Variants in CALML4 observed in about 807,000 individuals in gnomAD.
The protein encoded by CALML4 is calmodulin-like protein 4.
Under a neutral mutation model 17.9 loss-of-function variants are expected in CALML4, and 16 were observed. The ratio of observed to expected loss-of-function variants is 0.89; its 90% CI spans 0.61 to 1.36. The LOEUF is 1.36. Ranked by LOEUF, CALML4 falls within the 40% of genes most tolerant of loss-of-function variation. CALML4 has a pLI of 0.00. For synonymous variants in CALML4, 86 were observed against 71.5 expected (o/e 1.20, Z -1.02); for missense variants, 203 against 194.8 (o/e 1.04, Z -0.25).
rs1002154108 is a variant in CALML4, at chr15:68,200,828, C to T, written c.35-1147G>A. Among the ~76,000 whole-genome samples, 1 of 152,176 alleles carries T rather than the reference C, an allele frequency of 6.6e-6. No homozygotes were observed. Among genetic ancestry groups the T allele is most frequent in the East Asian group, 1.9e-4 (1 of 5,194 alleles). ...ACAATTCACGTTGCTGAGCACTCCA[C>T]CCCCAGGCCCTCGCTTCATCCCCAC... On this transcript the variant is annotated intron_variant, in intron 2 of 4. Transcript: ENST00000467889. This position sits in a 1 kb window ranked among gnomAD's most constrained non-coding sequence, Gnocchi z 4.3.
chr15:68,205,352 C>G (rs764145542), upstream of CALML4: 12 of 1,613,896 alleles, frequency 7.4e-6, no homozygotes, highest in South Asian at 8.8e-5. This position sits in a 1 kb window ranked among gnomAD's most constrained non-coding sequence, Gnocchi z 4.8. Flanking sequence ...GGTGGAGGCC[C>G]GGGTAATAAA....
At chr15:68,203,910 C>T (rs559950095) in intron 2 of CALML4, among the ~76,000 whole-genome samples, 48 of 152,336 alleles carry the variant, frequency 3.2e-4, no homozygotes, top group African/African-American at 1.1e-3. Context: ...TTCTTCCCTT[C>T]TGGGAGCTTT....
rs2093116964 is a variant in CALML4 at position 68,190,995 on chromosome 15, T to A, written c.*3020A>T. 1 of 152,302 alleles carries A rather than the reference T, an allele frequency of 6.6e-6. No individual in the cohort carries two copies. The highest frequency in any genetic ancestry group is 1.5e-5 in the Non-Finnish European group (1 of 68,032). 9.4% of individuals were successfully genotyped at this position (152,302 alleles called of 1,614,324 possible). On this transcript the variant is annotated 3_prime_UTR_variant, in exon 5 of 5. Coordinates refer to ENST00000467889, the MANE Select transcript of CALML4 (RefSeq NM_033429.3). This position sits in a 1 kb window ranked among gnomAD's most constrained non-coding sequence, Gnocchi z 4.7. ...GTGGAAAGAGCATTTTTTTAGACAA[T>A]TTCAATTTTAAACACATAAAACTTT... is the stretch of plus-strand genomic sequence containing the variant.
rs2093115371 is a variant in CALML4 at position 68,190,732 on chromosome 15, C to G, written c.*3283G>C. 1 of 151,558 alleles carries G rather than the reference C, an allele frequency of 6.6e-6. No homozygotes were observed. Among genetic ancestry groups the G allele is most frequent in the Admixed American group, 6.6e-5 (1 of 15,208 alleles). 9.4% of individuals were successfully genotyped at this position (151,558 alleles called of 1,614,324 possible). A position where few individuals can be genotyped will look rare whatever the true frequency, so the allele number is the denominator to read the frequency against. On this transcript the variant is annotated 3_prime_UTR_variant, in exon 5 of 5. Transcript: ENST00000467889. This position sits in a 1 kb window ranked among gnomAD's most constrained non-coding sequence, Gnocchi z 4.7. ...GCAGGGTTAAAGTGGCTTTTAATTA[C>G]TTCGTGAGTGTTATTGGATACATCT...
At chr15:68,203,360 T>C (rs1403431790) in intron 2 of CALML4, among the ~76,000 whole-genome samples, 1 of 152,380 alleles carries the variant, frequency 6.6e-6, no homozygotes, top group South Asian at 2.1e-4. Context: ...AATGAATGAA[T>C]GGTCATTAAA....
Position 68,194,056 on chromosome 15 carries a change from C to T in CALML4, c.421G>A (p.Glu141Lys), listed in dbSNP as rs755023361. The change falls in exon 5 of 5, where the codon GAA becomes AAA. Residue 141 changes from glutamate (E) to lysine (K), a missense_variant. Physicochemically the swap from Glu to Lys is moderately conservative, Grantham distance 56. Transcript: ENST00000467889. ...GGAAGGGTGATCTTGTGGATAAATT[C>T]ATCATACTTCACTTTGCCATTGGGT... is the stretch of plus-strand genomic sequence containing the variant. ...IEPNGKVKYDEFIHKITLPGR... is the reference protein window; with the variant it reads ...IEPNGKVKYDKFIHKITLPGR... 1.4e-5 allele frequency: 22 copies of T among 1,613,978 alleles called. No homozygotes were observed. The highest frequency in any genetic ancestry group is 1.5e-5 in the Non-Finnish European group (18 of 1,179,974).
At chr15:68,201,979 AC>A (rs1186566558) in intron 2 of CALML4, among the ~76,000 whole-genome samples, 1 of 151,276 alleles carries the variant, frequency 6.6e-6, no homozygotes, top group African/African-American at 2.4e-5. Context: ...CTCGATGGTG[AC>A]CCCCTGTGAG....
Position 68,193,973 on chromosome 15 carries a change from C to T in CALML4, c.*42G>A. 6.9e-7 allele frequency: 1 copy of T among 1,456,314 alleles called. No individual in the cohort carries two copies. Among genetic ancestry groups the T allele is most frequent in the South Asian group, 1.2e-5 (1 of 86,004 alleles). 90.2% of individuals were successfully genotyped at this position (1,456,314 alleles called of 1,614,324 possible). On this transcript the variant is annotated 3_prime_UTR_variant, in exon 5 of 5. Transcript: ENST00000467889. ...CACTTTTTAAAAAAAATTAATTGCT[C>T]CAAGTTTTCAGGCCCAGGGGAGGCT...
intron 4 of CALML4, among the ~76,000 whole-genome samples, chr15:68,194,712 A>G (rs370221946): frequency 6.6e-6 from 1 of 151,862 alleles, no homozygotes; most frequent in Non-Finnish European, 1.5e-5. Flanking sequence ...TTATTTTTTC[A>G]TGAAAATATG....
At chr15:68,196,034 C>T (rs1165972137) in intron 4 of CALML4, among the ~76,000 whole-genome samples, 2 of 152,074 alleles carry the variant, frequency 1.3e-5, no homozygotes, top group Non-Finnish European at 2.9e-5. Context: ...GGTATGGAGA[C>T]CCAGCCTGCT....
intron 2 of CALML4, 63 bp from the exon 3 acceptor site, chr15:68,199,744 C>T (rs1203233528): frequency 1.3e-6 from 2 of 1,544,830 alleles, no homozygotes; most frequent in Non-Finnish European, 1.8e-6. Context: ...GCCGCCCTCC[C>T]CATCCTTAGT....
At chr15:68,195,444 C>T (rs1217391669) in intron 4 of CALML4, among the ~76,000 whole-genome samples, 2 of 152,146 alleles carry the variant, frequency 1.3e-5, no homozygotes, top group African/African-American at 4.8e-5. Flanking sequence ...TGGCTAAAAC[C>T]ATCCTGGGGG....
In CALML4 at chr15:68,197,730, G is replaced by T; in HGVS notation, c.176-102C>A. 1 of 1,058,916 alleles carries T rather than the reference G, an allele frequency of 9.4e-7. No homozygotes were observed. Among genetic ancestry groups the T allele is most frequent in the Non-Finnish European group, 1.4e-6 (1 of 723,894 alleles). The allele number at this position is 1,058,916 out of a possible 1,614,324, so 65.6% of individuals were successfully genotyped here. A position where few individuals can be genotyped will look rare whatever the true frequency, so the allele number is the denominator to read the frequency against. On this transcript the variant is annotated intron_variant, in intron 3 of 4. Transcript: ENST00000467889. This position sits in a 1 kb window ranked among gnomAD's most constrained non-coding sequence, Gnocchi z 4.1. Reference sequence around the variant, plus strand: ...CTGCACAGCCGGTTCAAGGTCAACTGACCAGGGAATGCCAGGATGTGGCAG... The same window carrying T: ...CTGCACAGCCGGTTCAAGGTCAACTTACCAGGGAATGCCAGGATGTGGCAG...
In CALML4 at chr15:68,200,688, G is replaced by C. The variant is rs931062182; in HGVS notation, c.35-1007C>G. 6.6e-6 allele frequency among the ~76,000 whole-genome samples: 1 copy of C among 152,106 alleles called. No homozygotes were observed. Among genetic ancestry groups the C allele is most frequent in the African/African-American group, 2.4e-5 (1 of 41,402 alleles). On this transcript the variant is annotated intron_variant, in intron 2 of 4. Transcript: ENST00000467889. The surrounding 1 kb of genome is among the most constrained non-coding windows in gnomAD (Gnocchi z 4.3). Reference sequence around the variant, plus strand: ...CGTGGAAACACAGTGGCCTGGCGCTGGCCCTCCCAGGCTGGGGCTCAGGGC... The same window carrying C: ...CGTGGAAACACAGTGGCCTGGCGCTCGCCCTCCCAGGCTGGGGCTCAGGGC...
Position 68,197,943 on chromosome 15 carries a change from T to G in CALML4, c.176-315A>C, listed in dbSNP as rs187899720. ...CCTCTGCTCCCTTCTAGCGCTTCCC[T>G]CCTGCCCTGAACTGGAGGGAAACAG... On this transcript the variant is annotated intron_variant, in intron 3 of 4. Coordinates refer to ENST00000467889, the MANE Select transcript of CALML4 (RefSeq NM_033429.3). This position sits in a 1 kb window ranked among gnomAD's most constrained non-coding sequence, Gnocchi z 4.1. 4.2e-3 allele frequency: 1,205 copies of G among 288,310 alleles called. 2 individuals are homozygous for G. The highest frequency in any genetic ancestry group is 7.8e-3 in the Middle Eastern group (7 of 894). The allele number at this position is 288,310 out of a possible 1,614,324, so 17.9% of individuals were successfully genotyped here. A position where few individuals can be genotyped will look rare whatever the true frequency, so the allele number is the denominator to read the frequency against.
In CALML4 at chr15:68,200,346, G is replaced by A. The variant is rs2093161553; in HGVS notation, c.35-665C>T. Among the ~76,000 whole-genome samples the A allele has an allele frequency of 6.6e-6, 1 of 152,196 alleles. No homozygotes were observed. The highest frequency in any genetic ancestry group is 1.5e-5 in the Non-Finnish European group (1 of 68,034). On this transcript the variant is annotated intron_variant, in intron 2 of 4. Coordinates refer to ENST00000467889, the MANE Select transcript of CALML4 (RefSeq NM_033429.3). The surrounding 1 kb of genome is among the most constrained non-coding windows in gnomAD (Gnocchi z 4.3). ...ACCCTCAAGCTGTCCTTGGACTCGGGCCCTGGTCCTGTTCTTAGAGACTTC... is the reference window on the plus strand; with the variant it reads ...ACCCTCAAGCTGTCCTTGGACTCGGACCCTGGTCCTGTTCTTAGAGACTTC...
chr15:68,201,252 A>G (rs1316885653), intron 2 of CALML4, among the ~76,000 whole-genome samples: 1 of 152,246 alleles, frequency 6.6e-6, no homozygotes, highest in Non-Finnish European at 1.5e-5. Context: ...AACCAAAGTC[A>G]GGACCAGGTG....
chr15:68,202,256 G>C (rs2093167509), intron 2 of CALML4, among the ~76,000 whole-genome samples: 1 of 152,178 alleles, frequency 6.6e-6, no homozygotes, highest in Non-Finnish European at 1.5e-5. Flanking sequence ...AAACATAAAG[G>C]ATGTGTAGCA....
Position 68,197,224 on chromosome 15 carries a change from C to T in CALML4, c.364+216G>A, listed in dbSNP as rs1482788236. Among the ~76,000 whole-genome samples the T allele has an allele frequency of 1.3e-5, 2 of 152,166 alleles. No individual in the cohort carries two copies. Among genetic ancestry groups the T allele is most frequent in the Non-Finnish European group, 2.9e-5 (2 of 68,028 alleles). On this transcript the variant is annotated intron_variant, in intron 4 of 4. Transcript: ENST00000467889. This position sits in a 1 kb window ranked among gnomAD's most constrained non-coding sequence, Gnocchi z 4.1. ...CTGGGTTTCCCCTAGGCTGTCCCTT[C>T]ACCCTGGCAGACCTCCCTGCGCCCT...
Sources: allele counts gnomAD v4.1 joint callset (sites outside exome capture counted in the v4.1 genomes callset), GRCh38; gene constraint gnomAD v4.1.1; non-coding constraint Gnocchi (gnomAD v3.1); transcripts MANE v1.5; gene names NCBI Gene and HGNC (gene_info 2026-07-23, HGNC 2026-07-21).